Variants in CABIN1 observed in about 807,000 individuals in gnomAD.
CABIN1 encodes the protein calcineurin-binding protein cabin-1.
A neutral mutation model predicts 227.7 loss-of-function variants in CABIN1; 133 were observed. The ratio of observed to expected loss-of-function variants is 0.58; its 90% CI spans 0.51 to 0.67. CABIN1 has a LOEUF of 0.67. Among genes scored for constraint, CABIN1 ranks in the 30% least tolerant of loss-of-function variants. The pLI is 0.00. For synonymous variants in CABIN1, 1,086 were observed against 1,155.1 expected (o/e 0.94, Z 1.21); for missense variants, 2,408 against 2,852.5 (o/e 0.84, Z 3.55).
chr22:24,170,281 A>G lies in CABIN1; in HGVS notation c.5758-1432A>G, dbSNP rs1001046799. 11 of 386,842 alleles carry G rather than the reference A, an allele frequency of 2.8e-5. 1 individual carries two copies. The Admixed American group carries it at 3.1e-4, about 11-fold the overall frequency. 24.0% of individuals were successfully genotyped at this position (386,842 alleles called of 1,614,324 possible). A position where few individuals can be genotyped will look rare whatever the true frequency, so the allele number is the denominator to read the frequency against. ...TCCCTTAAGCCCAATCTTGGAGGCC[A>G]TTTCCTGCCATCAGAGCCCATAGCT... On this transcript the variant is annotated intron_variant, in intron 33 of 36. Coordinates refer to ENST00000263119, the MANE Select transcript of CABIN1 (RefSeq NM_012295.4).
intron 9 of CABIN1, 50 bp downstream of exon 9, chr22:24,055,209 C>T (rs371108207): frequency 1.9e-6 from 3 of 1,592,604 alleles, no homozygotes; most frequent in Non-Finnish European, 2.6e-6. Context: ...GTTCACTGAG[C>T]CCAGCAGGAA....
rs760781644 is a variant in CABIN1 at position 24,054,905 on chromosome 22, T to G, written c.839T>G (p.Met280Arg). The G allele has an allele frequency of 1.9e-6, 3 of 1,614,174 alleles. No individual in the cohort carries two copies. Among genetic ancestry groups the G allele is most frequent in the Middle Eastern group, 1.6e-4 (1 of 6,062 alleles). ...TGCCTCGGAGAGAGCTTGCTGGCCA[T>G]GTACAATCATCTCACCACCTGTGAG... ...WKCLGESLLA[M>R]YNHLTTCEPP... is the part of the protein sequence containing the mutation. The change falls in exon 9 of 37, where the codon ATG becomes AGG. Residue 280 changes from methionine (M) to arginine (R), a missense_variant. Transcript: ENST00000263119.
rs2041874885 is a variant in CABIN1 at position 24,096,091 on chromosome 22, C to A, written c.3938+9C>A. On this transcript the variant is annotated intron_variant, in intron 25 of 36. Transcript: ENST00000263119. ...CCCAAAGCTTCAGAAAAGTGAGTAG[C>A]ACCCTTCAGGCGACCCCTAGCAGCT... 6.2e-7 allele frequency: 1 copy of A among 1,613,998 alleles called. No individual in the cohort carries two copies. The highest frequency in any genetic ancestry group is 1.3e-5 in the African/African-American group (1 of 75,016).
intron 20 of CABIN1, among the ~76,000 whole-genome samples, chr22:24,083,969 A>C (rs1601975095): frequency 1.3e-5 from 2 of 152,318 alleles, no homozygotes; most frequent in Admixed American, 1.3e-4. Context: ...GATTCCATCC[A>C]CTAAAATGTA....
At chr22:24,161,815 C>A (rs535953232) in intron 29 of CABIN1, among the ~76,000 whole-genome samples, 96 of 152,332 alleles carry the variant, frequency 6.3e-4, no homozygotes, top group African/African-American at 2.2e-3. Flanking sequence ...GCCCCTTCCT[C>A]CTGTGTGGGC....
At chr22:24,073,287 G>T (rs1202026430) in intron 18 of CABIN1, among the ~76,000 whole-genome samples, 2 of 151,904 alleles carry the variant, frequency 1.3e-5, no homozygotes, top group African/African-American at 4.8e-5. Context: ...TTGCTGTCCA[G>T]ACTTGGCCTA....
chr22:24,065,353 C>G (rs2039560296), intron 15 of CABIN1, among the ~76,000 whole-genome samples: 1 of 148,140 alleles, frequency 6.8e-6, no homozygotes, highest in East Asian at 2.1e-4. Context: ...AGAGGCGCTC[C>G]TCACATCTCA....
At chr22:24,081,701 C>T (rs1357524742) in intron 19 of CABIN1, among the ~76,000 whole-genome samples, 1 of 151,470 alleles carries the variant, frequency 6.6e-6, no homozygotes, top group Admixed American at 6.6e-5. Flanking sequence ...AGTATTCACT[C>T]TTTTTTTTTC....
At chr22:24,089,406 G>A (rs528676999) in intron 23 of CABIN1, among the ~76,000 whole-genome samples, 1 of 152,190 alleles carries the variant, frequency 6.6e-6, no homozygotes, top group South Asian at 2.1e-4. Flanking sequence ...TCTTATGGAA[G>A]CCATTGGCCC....
chr22:24,038,044 A>G (rs1417323299), intron 3 of CABIN1, among the ~76,000 whole-genome samples: 1 of 152,190 alleles, frequency 6.6e-6, no homozygotes, highest in Non-Finnish European at 1.5e-5. Context: ...TGCCCTCTCC[A>G]GGTGCGGCAC....
In CABIN1 at chr22:24,127,508, A is replaced by G. The variant is rs566711608; in HGVS notation, c.4633-6794A>G. Among the ~76,000 whole-genome samples the G allele has an allele frequency of 1.3e-5, 2 of 152,348 alleles. 1 individual carries two copies. The highest frequency in any genetic ancestry group is 4.1e-4 in the South Asian group (2 of 4,828). On this transcript the variant is annotated intron_variant, in intron 28 of 36. Transcript: ENST00000263119. ...AGTCTGATTCTAGATGGATTCAGAC[A>G]GAAGAGCTGAATCAATGGATCAGAC... is the stretch of plus-strand genomic sequence containing the variant.
chr22:24,054,094 G>T (rs148443053), intron 8 of CABIN1, among the ~76,000 whole-genome samples: 13 of 152,332 alleles, frequency 8.5e-5, no homozygotes, highest in East Asian at 7.7e-4. Flanking sequence ...TAGCAGGATT[G>T]CAGGGGGTGG....
At chr22:24,056,107 A>G in intron 9 of CABIN1, 85 bp from the exon 10 acceptor site, 1 of 1,163,232 alleles carries the variant, frequency 8.6e-7, no homozygotes, top group South Asian at 1.3e-5. Flanking sequence ...GTAGATTTAT[A>G]AAAGAGGGAG....
rs1192940732 is a variant in CABIN1 at position 24,177,532 on chromosome 22, G to A, written c.6234G>A (p.Arg2078=). ...GGAAACTGAGGCCTGAGCCGAGAAGGGATGGGGAGGCTCAGGAGGCTGCGA... is the reference window on the plus strand; with the variant it reads ...GGAAACTGAGGCCTGAGCCGAGAAGAGATGGGGAGGCTCAGGAGGCTGCGA... ...QEGKLRPEPR[R]DGEAQEAASE... The change falls in exon 36 of 37, where the codon AGG becomes AGA. Residue 2078 remains arginine (R), a synonymous_variant. Coordinates refer to ENST00000263119, the MANE Select transcript of CABIN1 (RefSeq NM_012295.4). The surrounding 1 kb of genome is among the most constrained non-coding windows in gnomAD (Gnocchi z 4.4). The A allele has an allele frequency of 3.2e-6, 5 of 1,555,218 alleles. No homozygotes were observed. The East Asian group carries it at 1.1e-4, about 35-fold the overall frequency.
At position 24,165,504 on chromosome 22, in the gene CABIN1, C is replaced by T; in HGVS notation, c.4911-26C>T. ...GTGGTGTCAGATGCCCTCCTGTCCT[C>T]TCTGACTACCCCTGTATGACCGCAG... On this transcript the variant is annotated intron_variant, in intron 30 of 36. Coordinates refer to ENST00000263119, the MANE Select transcript of CABIN1 (RefSeq NM_012295.4). 5 of 1,602,524 alleles carry T rather than the reference C, an allele frequency of 3.1e-6. No individual in the cohort carries two copies. In the South Asian group the frequency reaches 5.6e-5, roughly 18 times the overall value.
chr22:24,168,633 G>C (rs761594368), intron 33 of CABIN1, 112 bp downstream of exon 33: 3 of 948,528 alleles, frequency 3.2e-6, no homozygotes, highest in East Asian at 2.6e-5. Context: ...CTTGTGGTCA[G>C]CTTGGGCTGA....
chr22:24,020,314 T>C (rs2035628499), intron 1 of CABIN1, among the ~76,000 whole-genome samples: 1 of 152,160 alleles, frequency 6.6e-6, no homozygotes, highest in African/African-American at 2.4e-5. Context: ...TTTTTGTTAG[T>C]ATCTATTTTT....
At chr22:24,041,348 T>TG in intron 5 of CABIN1, 75 bp downstream of exon 5, 1 of 1,590,438 alleles carries the variant, frequency 6.3e-7, no homozygotes, top group Non-Finnish European at 8.6e-7. Flanking sequence ...TGCGGTCTTG[T>TG]GGGCCAAAAA....
At chr22:24,050,239 G>A in intron 7 of CABIN1, among the ~76,000 whole-genome samples, 1 of 152,222 alleles carries the variant, frequency 6.6e-6, no homozygotes, top group East Asian at 1.9e-4. Flanking sequence ...AACCTTGAGG[G>A]AGACAGATAA....
Sources: gnomAD v4.1 joint callset for allele counts (sites outside exome capture counted in the v4.1 genomes callset) on GRCh38, gnomAD v4.1.1 for gene constraint, Gnocchi (gnomAD v3.1) non-coding constraint, MANE v1.5 for transcripts, NCBI Gene and HGNC (gene_info 2026-07-23, HGNC 2026-07-21) for gene names.